Variants in FMN1 observed in about 807,000 individuals in gnomAD.
FMN1 encodes the protein formin-1.
In FMN1, 110 loss-of-function variants were observed where a neutral mutation model predicts 132.4. The ratio of observed to expected loss-of-function variants is 0.83; its 90% CI spans 0.71 to 0.97. The LOEUF is 0.97. Among genes scored for constraint, FMN1 ranks in the 50% least tolerant of loss-of-function variants. FMN1 has a pLI of 0.00. For missense variants in FMN1, 1,792 were observed against 1,705.3 expected, an observed-to-expected ratio of 1.05 and a Z score of -0.90; for synonymous variants, 722 against 651.7, an observed-to-expected ratio of 1.11 and a Z score of -1.64.
intron 17 of FMN1, among the ~76,000 whole-genome samples, chr15:32,839,456 A>C (rs185159218): frequency 5.3e-5 from 8 of 152,176 alleles, no homozygotes; most frequent in African/African-American, 1.9e-4. Context: ...ACTGGACTGT[A>C]AACAACTTGA....
At chr15:33,078,033 A>C (rs2038291370) in intron 5 of FMN1, among the ~76,000 whole-genome samples, 2 of 150,862 alleles carry the variant, frequency 1.3e-5, no homozygotes, top group Admixed American at 6.6e-5. Flanking sequence ...CCAATTCTTA[A>C]ACAGAGAGCA....
At chr15:32,915,433 T>C (rs76956855) in intron 10 of FMN1, among the ~76,000 whole-genome samples, 9,774 of 152,326 alleles carry the variant, frequency 0.064, 454 homozygotes, top group Middle Eastern at 0.15. Context: ...ATGATCACAA[T>C]GTGGAAAGAA....
chr15:33,154,185 G>T lies in FMN1; in HGVS notation c.730C>A (p.Pro244Thr), dbSNP rs1277421935. 1.3e-6 allele frequency: 2 copies of T among 1,536,422 alleles called. No individual in the cohort carries two copies. Among genetic ancestry groups the T allele is most frequent in the Non-Finnish European group, 1.7e-6 (2 of 1,146,988 alleles). ...CTCCCAAAGCCAAGGTCTGTGTCTGGCGTCTTGGGAATATCTGGGGGGCAG... is the reference window on the plus strand; with the variant it reads ...CTCCCAAAGCCAAGGTCTGTGTCTGTCGTCTTGGGAATATCTGGGGGGCAG... ...ESCPPDIPKT[P>T]DTDLGFGSFE... Residue 244 changes from proline to threonine, a missense_variant, in exon 4 of 21, where the codon CCA becomes ACA. Coordinates refer to ENST00000616417, the MANE Select transcript of FMN1 (RefSeq NM_001277313.2).
intron 6 of FMN1, among the ~76,000 whole-genome samples, chr15:33,023,338 G>C (rs1395580596): frequency 6.6e-6 from 1 of 151,704 alleles, no homozygotes; most frequent in African/African-American, 2.4e-5. Flanking sequence ...CCTAAGCATC[G>C]AGATAGATAA....
At chr15:33,172,918 A>C (rs1398856464) in intron 3 of FMN1, among the ~76,000 whole-genome samples, 2 of 152,236 alleles carry the variant, frequency 1.3e-5, no homozygotes, top group East Asian at 3.8e-4. Context: ...GACTTTAGGA[A>C]GAAGAGAATA....
At chr15:33,132,843 A>T (rs1474697567) in intron 4 of FMN1, among the ~76,000 whole-genome samples, 1 of 152,098 alleles carries the variant, frequency 6.6e-6, no homozygotes, top group Admixed American at 6.5e-5. Context: ...CTTTGACCAC[A>T]TCTTCAAGAT....
chr15:32,994,357 C>A (rs747283601), intron 7 of FMN1, among the ~76,000 whole-genome samples: 2 of 152,052 alleles, frequency 1.3e-5, no homozygotes, highest in Non-Finnish European at 2.9e-5. Context: ...ACATTTCCCA[C>A]CTCTCTCCTG....
At chr15:33,085,844 G>A (rs1057515055) in intron 5 of FMN1, among the ~76,000 whole-genome samples, 2 of 152,008 alleles carry the variant, frequency 1.3e-5, no homozygotes, top group Admixed American at 1.3e-4. Context: ...CAATAACAGA[G>A]AAATAATTAA....
chr15:32,779,958 T>C (rs1167111165), intron 19 of FMN1, among the ~76,000 whole-genome samples: 1 of 152,228 alleles, frequency 6.6e-6, no homozygotes, highest in Admixed American at 6.5e-5. Flanking sequence ...ATACAGTGAA[T>C]AGTCCATCTG....
chr15:32,929,592 C>T lies in FMN1; in HGVS notation c.3139-3331G>A, dbSNP rs145290355. ...ACAGAATAGCAGATTTCCAATTCGC[C>T]GTTGTTCCAGCCCCTGGGAACCACC... On this transcript the variant is annotated intron_variant, in intron 9 of 20. Coordinates refer to ENST00000616417, the MANE Select transcript of FMN1 (RefSeq NM_001277313.2). Among the ~76,000 whole-genome samples the T allele has an allele frequency of 6.6e-5, 10 of 152,256 alleles. No individual in the cohort carries two copies. In the East Asian group the frequency reaches 1.7e-3, roughly 26 times the overall value.
intron 6 of FMN1, among the ~76,000 whole-genome samples, chr15:33,046,359 T>C (rs2036684494): frequency 6.6e-6 from 1 of 152,154 alleles, no homozygotes; most frequent in South Asian, 2.1e-4. Flanking sequence ...GGTTCCCAAA[T>C]TAGTCTCATC....
chr15:33,016,242 A>C (rs1596475193), intron 6 of FMN1, among the ~76,000 whole-genome samples: 1 of 152,340 alleles, frequency 6.6e-6, no homozygotes, highest in African/African-American at 2.4e-5. Context: ...AATTCAAACA[A>C]ACTCATCCGT....
At position 32,973,762 on chromosome 15, in the gene FMN1, ACT is replaced by A. The variant is rs149059955; in HGVS notation, c.2224-4287_2224-4286del. Reference sequence around the variant, plus strand: ...TACCAATTATTTCAAATTGTGTCTGACTCTATTACAAATGAAGCATCTCAAGT... The same window carrying A: ...TACCAATTATTTCAAATTGTGTCTGACTATTACAAATGAAGCATCTCAAGT... On this transcript the variant is annotated intron_variant, in intron 7 of 20. Transcript: ENST00000616417. Among the ~76,000 whole-genome samples the A allele has an allele frequency of 5.3e-3, 805 of 152,088 alleles. 12 individuals are homozygous for A. Among genetic ancestry groups the A allele is most frequent in the African/African-American group, 0.019 (780 of 41,466 alleles).
At chr15:32,872,977 A>G (rs756897939) in intron 16 of FMN1, among the ~76,000 whole-genome samples, 5 of 152,220 alleles carry the variant, frequency 3.3e-5, no homozygotes, top group Admixed American at 1.3e-4. Context: ...AAAACACACA[A>G]CCTAATCTGG....
At chr15:32,961,259 G>A (rs568366019) in intron 9 of FMN1, among the ~76,000 whole-genome samples, 143 of 151,262 alleles carry the variant, frequency 9.5e-4, no homozygotes, top group African/African-American at 3.2e-3. Context: ...TCAGCCTCCC[G>A]AGTAGCTGAG....
At chr15:32,899,752 G>A (rs940114392) in intron 14 of FMN1, 3 of 573,886 alleles carry the variant, frequency 5.2e-6, no homozygotes, top group African/African-American at 1.9e-5. Context: ...ACACGAAGAT[G>A]GGAATTGAGT....
chr15:33,193,506 A>C (rs1309188888), intron 2 of FMN1, among the ~76,000 whole-genome samples: 2 of 152,100 alleles, frequency 1.3e-5, no homozygotes, highest in Non-Finnish European at 2.9e-5. Context: ...TGAATAGTAA[A>C]CATGCTTTAG....
intron 7 of FMN1, among the ~76,000 whole-genome samples, chr15:32,975,057 A>C (rs1377903610): frequency 1.3e-5 from 2 of 152,148 alleles, no homozygotes; most frequent in Non-Finnish European, 2.9e-5. Context: ...TCACTCTTTC[A>C]CACATGCTGT....
At chr15:32,816,881 T>C (rs1259593621) in intron 17 of FMN1, among the ~76,000 whole-genome samples, 1 of 152,220 alleles carries the variant, frequency 6.6e-6, no homozygotes, top group East Asian at 1.9e-4. Context: ...ATTCTACATA[T>C]TTTTTACAAA....
Sources: gnomAD v4.1 joint callset for allele counts (sites outside exome capture counted in the v4.1 genomes callset) on GRCh38, gnomAD v4.1.1 for gene constraint, MANE v1.5 for transcripts, NCBI Gene and HGNC (gene_info 2026-07-23, HGNC 2026-07-21) for gene names.